Variants in SLC22A11 observed in about 807,000 individuals in gnomAD.
SLC22A11 encodes solute carrier family 22 member 11.
In SLC22A11, 42 loss-of-function variants were observed where a neutral mutation model predicts 49.4. The ratio of observed to expected loss-of-function variants is 0.85; its 90% CI spans 0.66 to 1.10. The LOEUF is 1.10. Among genes scored for constraint, SLC22A11 ranks in the 50% least tolerant of loss-of-function variants. The probability of loss-of-function intolerance (pLI) is 0.00; values close to 1 mark genes in which losing one functional copy is unlikely to be tolerated. For synonymous variants in SLC22A11, 304 were observed against 315.8 expected (o/e 0.96, Z 0.40); for missense variants, 685 against 731.6 (o/e 0.94, Z 0.74).
At chr11:64,560,133 G>T (rs538404405) in intron 2 of SLC22A11, among the ~76,000 whole-genome samples, 1 of 148,830 alleles carries the variant, frequency 6.7e-6, no homozygotes, top group Non-Finnish European at 1.5e-5. Flanking sequence ...ACCCTTCTGC[G>T]CCTGCGCTGT....
At chr11:64,568,892 C>A (rs532584329) in intron 8 of SLC22A11, 114 bp downstream of exon 8, 15 of 855,806 alleles carry the variant, frequency 1.8e-5, no homozygotes, top group South Asian at 8.8e-5. Context: ...CGCTCAGGGT[C>A]CCCCCCAGGA....
chr11:64,572,389 C>T lies in SLC22A11; in HGVS notation c.*1347C>T, dbSNP rs2038715910. The stretch of plus-strand genomic sequence containing the variant: ...GGGCTCTTTCCAGCACAGGAGGCTC[C>T]TAGCCCTCGTCTCCAACCCTCCATG... On this transcript the variant is annotated 3_prime_UTR_variant, in exon 10 of 10. Coordinates refer to ENST00000301891, the MANE Select transcript of SLC22A11 (RefSeq NM_018484.4). The T allele has an allele frequency of 6.6e-6, 1 of 152,328 alleles. No individual in the cohort carries two copies. The highest frequency in any genetic ancestry group is 1.5e-5 in the Non-Finnish European group (1 of 68,138). The allele number at this position is 152,328 out of a possible 1,614,324, so 9.4% of individuals were successfully genotyped here.
At position 64,571,115 on chromosome 11, in the gene SLC22A11, T is replaced by A; in HGVS notation, c.*73T>A. 4 of 1,551,698 alleles carry A rather than the reference T, an allele frequency of 2.6e-6. No homozygotes were observed. The highest frequency in any genetic ancestry group is 3.6e-6 in the Non-Finnish European group (4 of 1,125,246). On this transcript the variant is annotated 3_prime_UTR_variant, in exon 10 of 10. Transcript: ENST00000301891. ...AGTTGCCTCTTCTCCAATCAGAGCGTGGAGGCGAGTTGGGCGACTTCAAGG... is the reference window on the plus strand; with the variant it reads ...AGTTGCCTCTTCTCCAATCAGAGCGAGGAGGCGAGTTGGGCGACTTCAAGG...
chr11:64,564,624 C>A lies in SLC22A11; in HGVS notation c.942+196C>A, dbSNP rs145897354. ...CCACCACCACCACCAATCCCGATAC[C>A]ATCACCAACAGCACCACCACTGTCC... On this transcript the variant is annotated intron_variant, in intron 5 of 9. Coordinates refer to ENST00000301891, the MANE Select transcript of SLC22A11 (RefSeq NM_018484.4). The surrounding 1 kb of genome is among the most constrained non-coding windows in gnomAD (Gnocchi z 4.2). Among the ~76,000 whole-genome samples, 1 of 151,970 alleles carries A rather than the reference C, an allele frequency of 6.6e-6. No homozygotes were observed. The highest frequency in any genetic ancestry group is 1.5e-5 in the Non-Finnish European group (1 of 67,944).
In SLC22A11 at chr11:64,565,502, C is replaced by T. The variant is rs1249697423; in HGVS notation, c.1058+165C>T. ...CAGACAGCCCCAGCAGGCAGGAGTC[C>T]TGGCAGGCAGCAGAGAGGGACTATG... On this transcript the variant is annotated intron_variant, in intron 6 of 9. Transcript: ENST00000301891. The surrounding 1 kb of genome is among the most constrained non-coding windows in gnomAD (Gnocchi z 4.1). 2.9e-6 allele frequency: 2 copies of T among 685,878 alleles called. No individual in the cohort carries two copies. Among genetic ancestry groups the T allele is most frequent in the South Asian group, 1.5e-5 (1 of 66,698 alleles). The allele number at this position is 685,878 out of a possible 1,614,324, so 42.5% of individuals were successfully genotyped here.
At chr11:64,566,147 G>A (rs2038621907) in intron 6 of SLC22A11, 1 of 153,556 alleles carries the variant, frequency 6.5e-6, no homozygotes, top group African/African-American at 2.4e-5. Context: ...ATCAAAAAAT[G>A]AGGCAGGAGG....
intron 1 of SLC22A11, among the ~76,000 whole-genome samples, chr11:64,558,565 G>A (rs1265734886): frequency 6.6e-6 from 1 of 152,208 alleles, no homozygotes; most frequent in Admixed American, 6.5e-5. Context: ...CCTCACCGCT[G>A]ATGACAGCAC....
At chr11:64,570,164 C>T (rs2038685189) in intron 9 of SLC22A11, among the ~76,000 whole-genome samples, 1 of 152,260 alleles carries the variant, frequency 6.6e-6, no homozygotes, top group Admixed American at 6.5e-5. Context: ...CGTTCCCCAC[C>T]TGCCTGGGCA....
At chr11:64,560,300 C>T (rs1171039187) in intron 2 of SLC22A11, among the ~76,000 whole-genome samples, 2 of 152,016 alleles carry the variant, frequency 1.3e-5, no homozygotes, top group African/African-American at 2.4e-5. Flanking sequence ...CTGCAGTGGC[C>T]GTCCACGCTG....
intron 6 of SLC22A11, 104 bp from the exon 7 acceptor site, chr11:64,567,495 G>C: frequency 9.8e-7 from 1 of 1,025,052 alleles, no homozygotes; most frequent in Non-Finnish European, 1.5e-6. Flanking sequence ...TGTCCTCCGG[G>C]GTTGGCCATG....
At chr11:64,569,901 C>G in intron 9 of SLC22A11, 43 bp downstream of exon 9, 1 of 1,597,728 alleles carries the variant, frequency 6.3e-7, no homozygotes, top group Non-Finnish European at 8.5e-7. Context: ...GGGCTTCCTC[C>G]TGGGCCAAGA....
chr11:64,563,888 C>A (rs1332740543), intron 4 of SLC22A11, among the ~76,000 whole-genome samples: 1 of 151,896 alleles, frequency 6.6e-6, no homozygotes, highest in Non-Finnish European at 1.5e-5. Context: ...TACACTCCAG[C>A]CTGGGTGACA....
intron 7 of SLC22A11, 95 bp from the exon 8 acceptor site, chr11:64,568,575 G>T (rs924190748): frequency 7.9e-6 from 8 of 1,011,226 alleles, no homozygotes; most frequent in Non-Finnish European, 1.2e-5. Context: ...AGGGAGCCCA[G>T]GGTCCCCTCT....
At chr11:64,558,425 G>A (rs181178249) in intron 1 of SLC22A11, among the ~76,000 whole-genome samples, 20 of 152,316 alleles carry the variant, frequency 1.3e-4, no homozygotes, top group African/African-American at 4.8e-4. Flanking sequence ...GAGAGGTGGA[G>A]GGAGCTGCCG....
chr11:64,560,229 C>A (rs1197352577), intron 2 of SLC22A11, among the ~76,000 whole-genome samples: 1 of 152,122 alleles, frequency 6.6e-6, no homozygotes, highest in African/African-American at 2.4e-5. Flanking sequence ...GCCACAGCAT[C>A]CCCTTGCCTG....
Position 64,568,750 on chromosome 11 carries a change from A to T in SLC22A11, c.1354A>T (p.Lys452Ter). 6.2e-7 allele frequency: 1 copy of T among 1,613,906 alleles called. No homozygotes were observed. The highest frequency in any genetic ancestry group is 2.2e-5 in the East Asian group (1 of 44,864). Residue 452 changes from lysine (K) to a stop codon, truncating the protein, a stop_gained, in exon 8 of 10, where the codon AAG becomes TAG. Coordinates refer to ENST00000301891, the MANE Select transcript of SLC22A11 (RefSeq NM_018484.4). LOFTEE classifies it high-confidence loss of function. Reference protein sequence around the residue: ...GISLTCLTIYKAELFPTPVRM... With the variant: ...GISLTCLTIY ...AAGCCTAACCTGCCTCACCATCTAC[A>T]AGGCTGAACTCTTTCCAACGCCAGT...
In SLC22A11 at chr11:64,564,167, T is replaced by C; in HGVS notation, c.822-141T>C. ...AAACCGCTGGGGACTGCCAGGCTCC[T>C]GGCTGGGCAGCAGCGGCACAGAAGC... On this transcript the variant is annotated intron_variant, in intron 4 of 9. Transcript: ENST00000301891. The surrounding 1 kb of genome is among the most constrained non-coding windows in gnomAD (Gnocchi z 4.2). 9.0e-7 allele frequency: 1 copy of C among 1,108,282 alleles called. No individual in the cohort carries two copies. 68.7% of individuals were successfully genotyped at this position (1,108,282 alleles called of 1,614,324 possible).
chr11:64,567,855 C>A, intron 7 of SLC22A11, 42 bp downstream of exon 7: 1 of 1,533,024 alleles, frequency 6.5e-7, no homozygotes. Flanking sequence ...GCCCTGCTTC[C>A]CCGCCCACCC....
Position 64,562,514 on chromosome 11 carries a change from A to C in SLC22A11, c.821+79A>C. On this transcript the variant is annotated intron_variant, in intron 4 of 9. Transcript: ENST00000301891. The surrounding 1 kb of genome is among the most constrained non-coding windows in gnomAD (Gnocchi z 4.4). ...CTTCACTTTCACCTCTCTGGCTGGC[A>C]GTAGGTCCAGAGACCTGGAGTGCCA... 1 of 1,435,608 alleles carries C rather than the reference A, an allele frequency of 7.0e-7. No homozygotes were observed. Among genetic ancestry groups the C allele is most frequent in the Non-Finnish European group, 9.3e-7 (1 of 1,079,804 alleles). The allele number at this position is 1,435,608 out of a possible 1,614,324, so 88.9% of individuals were successfully genotyped here.
Sources: gnomAD v4.1 joint callset for allele counts (sites outside exome capture counted in the v4.1 genomes callset) on GRCh38, gnomAD v4.1.1 for gene constraint, Gnocchi (gnomAD v3.1) non-coding constraint, MANE v1.5 for transcripts, NCBI Gene and HGNC (gene_info 2026-07-23, HGNC 2026-07-21) for gene names.